Variants in JAG1 observed in about 807,000 individuals in gnomAD.
JAG1 encodes the protein protein jagged-1.
JAG1 carries 23 observed loss-of-function variants against 148.7 expected under a neutral mutation model. The observed-to-expected ratio is 0.15, with a 90% CI of 0.11 to 0.22. The LOEUF is 0.22. Among genes scored for constraint, JAG1 ranks in the 10% least tolerant of loss-of-function variants. The probability of loss-of-function intolerance (pLI) is 1.00; values close to 1 mark genes in which losing one functional copy is unlikely to be tolerated. For missense variants in JAG1, 1,054 were observed against 1,611.2 expected (o/e 0.65, Z 5.92); for synonymous variants, 572 against 598.3 (o/e 0.96, Z 0.64).
At position 10,655,058 on chromosome 20, in the gene JAG1, A is replaced by G. The variant is rs148156811; in HGVS notation, c.755+1340T>C. Among the ~76,000 whole-genome samples, 1,006 of 152,318 alleles carry G rather than the reference A, an allele frequency of 6.6e-3. 8 individuals carry two copies. The highest frequency in any genetic ancestry group is 0.023 in the African/African-American group (950 of 41,566). On this transcript the variant is annotated intron_variant, in intron 5 of 25. Transcript: ENST00000254958. The stretch of plus-strand genomic sequence containing the variant: ...TAAATACTACAGTCCATCGCCACCA[A>G]TGGGAGACAGCAGGAGAAGCCCCTC...
In JAG1 at chr20:10,643,852, C is replaced by T; in HGVS notation, c.2384G>A (p.Gly795Asp). ...CCAGTTGTCTCCATCCACACAGGTG[C>T]CGCTGTTGTAACTAAGAAAGCAAAG... Reference protein sequence around the residue: ...DCSPHPCYNSGTCVDGDNWYR... With the variant: ...DCSPHPCYNSDTCVDGDNWYR... Residue 795 changes from glycine (G) to aspartate (D), a missense_variant, in exon 20 of 26, where the codon GGC (glycine) becomes GAC (aspartate). This residue lies in a region of JAG1 where 342 missense variants were observed against 514.6 expected (regional missense o/e 0.66). Coordinates refer to ENST00000254958, the MANE Select transcript of JAG1 (RefSeq NM_000214.3). The T allele has an allele frequency of 6.2e-7, 1 of 1,613,980 alleles. No individual in the cohort carries two copies. Among genetic ancestry groups the T allele is most frequent in the Non-Finnish European group, 8.5e-7 (1 of 1,179,940 alleles).
At chr20:10,648,428 A>G in intron 12 of JAG1, 121 bp downstream of exon 12, 1 of 847,258 alleles carries the variant, frequency 1.2e-6, no homozygotes, top group South Asian at 1.4e-5. Context: ...TCTCATCAAT[A>G]GGATGTTAAT....
chr20:10,651,732 G>T, intron 7 of JAG1, 38 bp from the exon 8 acceptor site: 1 of 1,314,116 alleles, frequency 7.6e-7, no homozygotes, highest in Non-Finnish European at 1.1e-6. Context: ...AGGGATGCCT[G>T]CACACCGTTA....
chr20:10,658,536 T>C lies in JAG1; in HGVS notation c.626A>G (p.His209Arg), dbSNP rs863223679. ...FCRPRDDFFG[H>R]YACDQNGNKT... ...GTTGCCATTCTGGTCACAGGCATAG[T>C]GTCCAAAGAAGTCATCTCTGGGGCG... Residue 209 changes from histidine (H) to arginine (R), a missense_variant, in exon 4 of 26, where the codon CAC becomes CGC. His to Arg is a conservative substitution (Grantham distance 29). Around this residue, in one of 6 missense-constraint regions of JAG1, gnomAD observed 104 missense variants for 235.2 expected, o/e 0.44. Coordinates refer to ENST00000254958, the MANE Select transcript of JAG1 (RefSeq NM_000214.3). 2 of 1,614,236 alleles carry C rather than the reference T, an allele frequency of 1.2e-6. No individual in the cohort carries two copies. The highest frequency in any genetic ancestry group is 1.7e-6 in the Non-Finnish European group (2 of 1,180,044).
At chr20:10,651,869 C>T (rs906784106) in intron 7 of JAG1, among the ~76,000 whole-genome samples, 175 bp from the exon 8 acceptor site, 6 of 152,208 alleles carry the variant, frequency 3.9e-5, no homozygotes, top group East Asian at 1.9e-4. Flanking sequence ...TCATCTTTCT[C>T]GCTGAGCTGT....
rs1158891669 is a variant in JAG1, at chr20:10,673,582, TGGTGCTGCCGCC to T, written c.-64_-53del. 1.5e-5 allele frequency: 16 copies of T among 1,076,414 alleles called. No individual in the cohort carries two copies. The highest frequency in any genetic ancestry group is 1.8e-5 in the Non-Finnish European group (15 of 846,120). The allele number at this position is 1,076,414 out of a possible 1,614,324, so 66.7% of individuals were successfully genotyped here. The stretch of plus-strand genomic sequence containing the variant: ...GGGACGCCGCCGCTGCTGTTCGCGC[TGGTGCTGCCGCC>T]GGTGCTGCCGTCGCCGCTGCCCCTG... On this transcript the variant is annotated 5_prime_UTR_variant, in exon 1 of 26. Coordinates refer to ENST00000254958, the MANE Select transcript of JAG1 (RefSeq NM_000214.3). This position sits in a 1 kb window ranked among gnomAD's most constrained non-coding sequence, Gnocchi z 4.7.
chr20:10,673,264 C>T lies in JAG1; in HGVS notation c.81+186G>A, dbSNP rs1254740211. ...GCCCCTGTCCGGCCTGGAGGGGTCA[C>T]CCTCAGGAGGCAGGGGCTCCCGTGG... On this transcript the variant is annotated intron_variant, in intron 1 of 25. Coordinates refer to ENST00000254958, the MANE Select transcript of JAG1 (RefSeq NM_000214.3). This position sits in a 1 kb window ranked among gnomAD's most constrained non-coding sequence, Gnocchi z 4.7. Among the ~76,000 whole-genome samples, 1 of 152,112 alleles carries T rather than the reference C, an allele frequency of 6.6e-6. No homozygotes were observed. The highest frequency in any genetic ancestry group is 1.5e-5 in the Non-Finnish European group (1 of 68,020).
chr20:10,659,272 G>A (rs921649097), intron 3 of JAG1, among the ~76,000 whole-genome samples: 2 of 152,218 alleles, frequency 1.3e-5, no homozygotes, highest in African/African-American at 4.8e-5. Context: ...ACTAAGTGAT[G>A]GCAAGAGCCC....
chr20:10,652,871 C>G, intron 5 of JAG1: 1 of 406,598 alleles, frequency 2.5e-6, no homozygotes, highest in Non-Finnish European at 4.7e-6. Flanking sequence ...TTCTCAGGCT[C>G]ACACGAGTGA....
At position 10,673,433 on chromosome 20, in the gene JAG1, C is replaced by T. The variant is rs1249688328; in HGVS notation, c.81+17G>A. ...GGAGAGGACGGCTGGGAGGGAGGCC[C>T]GGAGAAGGGCTCCTACCTTGGCTCG... is the stretch of plus-strand genomic sequence containing the variant. On this transcript the variant is annotated intron_variant, in intron 1 of 25. Coordinates refer to ENST00000254958, the MANE Select transcript of JAG1 (RefSeq NM_000214.3). This position sits in a 1 kb window ranked among gnomAD's most constrained non-coding sequence, Gnocchi z 4.7. 6.9e-7 allele frequency: 1 copy of T among 1,444,376 alleles called. No homozygotes were observed. Among genetic ancestry groups the T allele is most frequent in the Non-Finnish European group, 9.1e-7 (1 of 1,097,396 alleles). 89.5% of individuals were successfully genotyped at this position (1,444,376 alleles called of 1,614,324 possible).
intron 3 of JAG1, among the ~76,000 whole-genome samples, chr20:10,658,985 C>T (rs1045020543): frequency 2.0e-5 from 3 of 152,192 alleles, no homozygotes; most frequent in Admixed American, 6.5e-5. Context: ...GCATGTGAGT[C>T]GTTTGGGCTT....
intron 4 of JAG1, among the ~76,000 whole-genome samples, chr20:10,658,146 C>T (rs899178642): frequency 1.3e-5 from 2 of 152,154 alleles, no homozygotes; most frequent in African/African-American, 4.8e-5. Context: ...GGCTTTGTAG[C>T]CCTATGTCTG....
intron 5 of JAG1, 179 bp from the exon 6 acceptor site, chr20:10,652,777 G>A: frequency 1.7e-6 from 1 of 584,024 alleles, no homozygotes; most frequent in Non-Finnish European, 3.0e-6. Context: ...GTTGAGCTGA[G>A]GTCCCCTCCC....
At chr20:10,648,247 T>C in intron 12 of JAG1, 137 bp from the exon 13 acceptor site, 1 of 1,033,908 alleles carries the variant, frequency 9.7e-7, no homozygotes, top group East Asian at 2.5e-5. Context: ...GTAAGATACA[T>C]CTCTATGCTG....
intron 2 of JAG1, among the ~76,000 whole-genome samples, chr20:10,667,966 T>G (rs1251180364): frequency 6.6e-6 from 1 of 152,076 alleles, no homozygotes; most frequent in East Asian, 1.9e-4. Flanking sequence ...GCATAAAAAC[T>G]GGGTTGAGCT....
At chr20:10,641,002 G>T (rs781085194) in intron 24 of JAG1, 69 bp from the exon 25 acceptor site, 40 of 1,609,434 alleles carry the variant, frequency 2.5e-5, no homozygotes, top group Non-Finnish European at 3.0e-5. Context: ...AAAATTACTC[G>T]ACAATCTGTG....
intron 2 of JAG1, among the ~76,000 whole-genome samples, chr20:10,667,800 C>A (rs2048581435): frequency 6.6e-6 from 1 of 152,130 alleles, no homozygotes; most frequent in Non-Finnish European, 1.5e-5. Context: ...ATTACCCTTA[C>A]CTGTTTGAAA....
chr20:10,660,449 C>T (rs2067408658), intron 3 of JAG1, among the ~76,000 whole-genome samples: 1 of 152,228 alleles, frequency 6.6e-6, no homozygotes, highest in African/African-American at 2.4e-5. Context: ...CACGCGCTTA[C>T]AAGATCTTCA....
At chr20:10,647,846 A>AG in intron 13 of JAG1, 114 bp downstream of exon 13, 1 of 1,134,266 alleles carries the variant, frequency 8.8e-7, no homozygotes. Flanking sequence ...ATTTCACTAT[A>AG]GAGGTCCTCC....
Sources: allele counts gnomAD v4.1 joint callset (sites outside exome capture counted in the v4.1 genomes callset), GRCh38; gene constraint gnomAD v4.1.1; regional missense constraint gnomAD v4.1.1; non-coding constraint Gnocchi (gnomAD v3.1); transcripts MANE v1.5; gene names NCBI Gene and HGNC (gene_info 2026-07-23, HGNC 2026-07-21).